Variants in NVL observed in about 807,000 individuals in gnomAD.
NVL encodes nuclear valosin-containing protein-like.
Under a neutral mutation model 110.2 loss-of-function variants are expected in NVL, and 84 were observed. The observed-to-expected ratio is 0.76, with a 90% CI of 0.64 to 0.91. The LOEUF (loss-of-function observed/expected upper bound fraction) is 0.91. Among genes scored for constraint, NVL ranks in the 40% least tolerant of loss-of-function variants. NVL has a pLI of 0.00. For missense variants in NVL, 882 were observed against 1,035.9 expected (o/e 0.85, Z 2.04); for synonymous variants, 354 against 361.1 (o/e 0.98, Z 0.22).
At chr1:224,310,863 T>C (rs1193506358) in intron 5 of NVL, among the ~76,000 whole-genome samples, 1 of 152,108 alleles carries the variant, frequency 6.6e-6, no homozygotes, top group African/African-American at 2.4e-5. Context: ...CCTGAGTAGC[T>C]AGGACTATGG....
At chr1:224,314,436 C>T (rs1669863032) in intron 4 of NVL, among the ~76,000 whole-genome samples, 1 of 152,160 alleles carries the variant, frequency 6.6e-6, no homozygotes, top group Non-Finnish European at 1.5e-5. Flanking sequence ...GAGAATATTG[C>T]AGAAGCATTA....
intron 12 of NVL, among the ~76,000 whole-genome samples, chr1:224,291,357 C>A (rs1667361883): frequency 6.6e-6 from 1 of 152,128 alleles, no homozygotes; most frequent in African/African-American, 2.4e-5. Flanking sequence ...AGGCATGCGC[C>A]AATGAATGTT....
intron 1 of NVL, among the ~76,000 whole-genome samples, chr1:224,328,307 G>A (rs1558375184): frequency 6.6e-6 from 1 of 151,862 alleles, no homozygotes; most frequent in Non-Finnish European, 1.5e-5. Context: ...ATCACCTGAG[G>A]TCAGGAGTTC....
chr1:224,310,267 AT>A (rs1325091519), intron 5 of NVL, among the ~76,000 whole-genome samples: 1 of 152,172 alleles, frequency 6.6e-6, no homozygotes, highest in Non-Finnish European at 1.5e-5. Flanking sequence ...TCCAGAGATA[AT>A]TTAAAGTATA....
chr1:224,258,557 G>C lies in NVL; in HGVS notation c.2183-8239C>G, dbSNP rs575733548. 2.1e-4 allele frequency among the ~76,000 whole-genome samples: 32 copies of C among 152,174 alleles called. 1 individual carries two copies. The South Asian group carries it at 6.2e-3, about 30-fold the overall frequency. ...ATTCCACTCCTAGGTATAGACCCAG[G>C]AGAAATTAAAACATATGTCCATACA... On this transcript the variant is annotated intron_variant, in intron 18 of 22. Coordinates refer to ENST00000281701, the MANE Select transcript of NVL (RefSeq NM_002533.4).
At chr1:224,297,886 G>A (rs10916582) in intron 10 of NVL, 152,896 of 152,914 alleles carry the variant, frequency 1, 76,439 homozygotes, top group Non-Finnish European at 1. Context: ...CGTCTCTACT[G>A]AACATACAAA....
chr1:224,230,975 T>C (rs953379736), intron 22 of NVL, among the ~76,000 whole-genome samples: 1 of 151,776 alleles, frequency 6.6e-6, no homozygotes, highest in African/African-American at 2.4e-5. Context: ...CTACTAAAAA[T>C]GCAAAAAATT....
chr1:224,291,609 A>G (rs1667385123), intron 12 of NVL, among the ~76,000 whole-genome samples: 1 of 152,232 alleles, frequency 6.6e-6, no homozygotes, highest in Admixed American at 6.5e-5. Flanking sequence ...ACTTTCCACT[A>G]AAGAACTATT....
At chr1:224,238,492 C>T (rs568990219) in intron 19 of NVL, among the ~76,000 whole-genome samples, 2 of 152,330 alleles carry the variant, frequency 1.3e-5, no homozygotes, top group South Asian at 2.1e-4. Context: ...CCCAGCAGGG[C>T]ATGTTCAAGA....
rs188532950 is a variant in NVL at position 224,242,095 on chromosome 1, A to C, written c.2290-5513T>G. Among the ~76,000 whole-genome samples, 350 of 152,208 alleles carry C rather than the reference A, an allele frequency of 2.3e-3. 4 individuals are homozygous for C. Among genetic ancestry groups the C allele is most frequent in the Admixed American group, 7.1e-3 (108 of 15,270 alleles). ...ATTCTACTTGTATGAGGTACCTAGAATAGGCAAAGCATAGAGACAGAAAGT... is the reference window on the plus strand; with the variant it reads ...ATTCTACTTGTATGAGGTACCTAGACTAGGCAAAGCATAGAGACAGAAAGT... On this transcript the variant is annotated intron_variant, in intron 19 of 22. Coordinates refer to ENST00000281701, the MANE Select transcript of NVL (RefSeq NM_002533.4).
chr1:224,279,185 A>T (rs1202978348), intron 16 of NVL, among the ~76,000 whole-genome samples: 1 of 152,264 alleles, frequency 6.6e-6, no homozygotes, highest in Non-Finnish European at 1.5e-5. Flanking sequence ...TTTTTAAAGT[A>T]TGGTTACATT....
At chr1:224,246,527 T>G (rs1288475020) in intron 19 of NVL, among the ~76,000 whole-genome samples, 1 of 152,210 alleles carries the variant, frequency 6.6e-6, no homozygotes, top group Non-Finnish European at 1.5e-5. Context: ...ATGCCTCATG[T>G]CTGGCATGTC....
At chr1:224,243,036 C>A (rs1446743324) in intron 19 of NVL, among the ~76,000 whole-genome samples, 2 of 151,908 alleles carry the variant, frequency 1.3e-5, no homozygotes, top group Non-Finnish European at 2.9e-5. Flanking sequence ...TCCGCCTTGG[C>A]CTCCTAAAGT....
At chr1:224,281,324 G>T (rs1666302413) in intron 15 of NVL, 139 bp from the exon 16 acceptor site, 6 of 675,434 alleles carry the variant, frequency 8.9e-6, no homozygotes, top group Non-Finnish European at 1.5e-5. Flanking sequence ...AGATTTAGAT[G>T]GAGTCTTGCT....
chr1:224,275,773 A>C (rs977773633), intron 16 of NVL, among the ~76,000 whole-genome samples: 2 of 152,254 alleles, frequency 1.3e-5, no homozygotes, highest in Non-Finnish European at 2.9e-5. Context: ...ATTGCACTTT[A>C]GAACTAATCT....
At chr1:224,241,125 A>AG (rs1661150903) in intron 19 of NVL, among the ~76,000 whole-genome samples, 1 of 152,158 alleles carries the variant, frequency 6.6e-6, no homozygotes, top group Admixed American at 6.6e-5. Context: ...GGTGTGCTCT[A>AG]CCTAGGATAC....
chr1:224,311,862 G>C lies in NVL; in HGVS notation c.285-5C>G. 1 of 1,608,178 alleles carries C rather than the reference G, an allele frequency of 6.2e-7. No homozygotes were observed. Among genetic ancestry groups the C allele is most frequent in the South Asian group, 1.1e-5 (1 of 90,676 alleles). ...TCAGAATAGCTTTCAGTATACCTCA[G>C]TAAAAGGAGGGAAAAATGTTTTAAA... On this transcript the variant is annotated splice_polypyrimidine_tract_variant and splice_region_variant and intron_variant, in intron 4 of 22. Coordinates refer to ENST00000281701, the MANE Select transcript of NVL (RefSeq NM_002533.4).
intron 18 of NVL, among the ~76,000 whole-genome samples, chr1:224,263,516 C>T (rs755015268): frequency 3.2e-4 from 48 of 152,118 alleles, no homozygotes; most frequent in Non-Finnish European, 1.9e-4. Flanking sequence ...CTCCAAGTGT[C>T]CCCTATCTCA....
intron 12 of NVL, among the ~76,000 whole-genome samples, chr1:224,291,790 G>T (rs563721815): frequency 6.6e-6 from 1 of 152,136 alleles, no homozygotes; most frequent in Non-Finnish European, 1.5e-5. Context: ...GGGACTATCC[G>T]TACTAAGAAC....
Sources: gnomAD v4.1 joint callset for allele counts (sites outside exome capture counted in the v4.1 genomes callset) on GRCh38, gnomAD v4.1.1 for gene constraint, MANE v1.5 for transcripts, NCBI Gene and HGNC (gene_info 2026-07-23, HGNC 2026-07-21) for gene names.